The following GPC5 variants were observed in gnomAD, a reference collection of about 807,000 sequenced individuals.
GPC5 encodes glypican 5, also known as glypican-5.
Under a neutral mutation model 53.9 loss-of-function variants are expected in GPC5, and 47 were observed. The ratio of observed to expected loss-of-function variants is 0.87; its 90% CI spans 0.69 to 1.11. The LOEUF is 1.11. GPC5 is among the 50% of genes most tolerant of loss of function. The pLI is 0.00. For synonymous variants in GPC5, 286 were observed against 263.3 expected, an observed-to-expected ratio of 1.09 and a Z score of -0.84; for missense variants, 748 against 713.1, an observed-to-expected ratio of 1.05 and a Z score of -0.56.
At chr13:92,829,925 T>A (rs1410384737) in intron 7 of GPC5, among the ~76,000 whole-genome samples, 1 of 152,166 alleles carries the variant, frequency 6.6e-6, no homozygotes. Context: ...TCAAAACTTT[T>A]AAGTTATTTT....
At chr13:91,525,252 C>T (rs960122997) in intron 2 of GPC5, among the ~76,000 whole-genome samples, 2 of 151,848 alleles carry the variant, frequency 1.3e-5, no homozygotes, top group African/African-American at 4.8e-5. Flanking sequence ...TTTAGAGCAT[C>T]CTGAAAGATT....
At chr13:92,595,624 CG>C (rs1883848671) in intron 7 of GPC5, among the ~76,000 whole-genome samples, 2 of 151,346 alleles carry the variant, frequency 1.3e-5, no homozygotes, top group South Asian at 4.2e-4. Flanking sequence ...AAAAATTAGC[CG>C]GGCGTGGTGG....
intron 1 of GPC5, among the ~76,000 whole-genome samples, chr13:91,414,848 TG>T (rs1024834767): frequency 6.6e-6 from 1 of 152,080 alleles, no homozygotes; most frequent in Non-Finnish European, 1.5e-5. Flanking sequence ...GAAGGTGGGT[TG>T]GGGGGTGGAG....
chr13:91,634,402 T>A (rs1210089399), intron 2 of GPC5, among the ~76,000 whole-genome samples: 1 of 152,088 alleles, frequency 6.6e-6, no homozygotes, highest in Admixed American at 6.6e-5. Flanking sequence ...GATATTAGCT[T>A]AGGTCACACA....
At chr13:92,431,013 G>C (rs1877060072) in intron 7 of GPC5, among the ~76,000 whole-genome samples, 3 of 152,090 alleles carry the variant, frequency 2.0e-5, no homozygotes, top group Admixed American at 1.3e-4. Context: ...TGAGCACTAT[G>C]CAATAGTTGT....
chr13:91,929,765 G>A (rs2039803726), intron 6 of GPC5, among the ~76,000 whole-genome samples: 1 of 151,608 alleles, frequency 6.6e-6, no homozygotes, highest in Non-Finnish European at 1.5e-5. Context: ...TCAAGAAATT[G>A]CATTGGTATA....
At chr13:91,717,731 A>G (rs1197888638) in intron 3 of GPC5, among the ~76,000 whole-genome samples, 2 of 151,600 alleles carry the variant, frequency 1.3e-5, no homozygotes, top group Admixed American at 6.6e-5. Context: ...TAATTTTTGT[A>G]TTTTTAGTAG....
intron 7 of GPC5, among the ~76,000 whole-genome samples, chr13:92,803,879 C>G (rs1443554740): frequency 4.6e-5 from 7 of 151,878 alleles, no homozygotes; most frequent in Non-Finnish European, 1.0e-4. Flanking sequence ...ACTTCTCCCC[C>G]AGAAAGTAAC....
intron 5 of GPC5, among the ~76,000 whole-genome samples, chr13:91,903,347 T>C (rs2039518783): frequency 6.6e-6 from 1 of 152,106 alleles, no homozygotes; most frequent in African/African-American, 2.4e-5. Flanking sequence ...GAAAGGTGCT[T>C]CTCTGAGCAT....
chr13:91,673,745 G>A (rs1303344327), intron 2 of GPC5, among the ~76,000 whole-genome samples: 2 of 152,078 alleles, frequency 1.3e-5, no homozygotes, highest in East Asian at 3.8e-4. Context: ...CTTGCCCATA[G>A]CAGGCATCCA....
intron 5 of GPC5, among the ~76,000 whole-genome samples, chr13:91,843,450 A>G (rs2038812823): frequency 6.6e-6 from 1 of 152,200 alleles, no homozygotes; most frequent in Non-Finnish European, 1.5e-5. Flanking sequence ...AGCTGCTGAA[A>G]TGTACAAAGG....
intron 6 of GPC5, among the ~76,000 whole-genome samples, chr13:91,920,497 T>C (rs983008495): frequency 2.0e-5 from 3 of 152,214 alleles, no homozygotes; most frequent in Admixed American, 6.5e-5. Flanking sequence ...ATGTCAATCA[T>C]TTTCAGAAAT....
chr13:91,876,098 G>A (rs777080058), intron 5 of GPC5, among the ~76,000 whole-genome samples: 19 of 152,156 alleles, frequency 1.2e-4, no homozygotes, highest in Non-Finnish European at 2.1e-4. Context: ...CCCCTGTCAT[G>A]TAAGAAGTGC....
chr13:92,682,049 T>C (rs922995421), intron 7 of GPC5, among the ~76,000 whole-genome samples: 1 of 152,194 alleles, frequency 6.6e-6, no homozygotes, highest in African/African-American at 2.4e-5. Context: ...CCCCAGTGTG[T>C]AGATGCATAG....
intron 7 of GPC5, among the ~76,000 whole-genome samples, chr13:92,862,120 G>A (rs1281972071): frequency 6.6e-6 from 1 of 152,072 alleles, no homozygotes; most frequent in Non-Finnish European, 1.5e-5. Flanking sequence ...CATTTGAATG[G>A]GGCACAACTG....
chr13:92,850,679 A>G (rs1878765681), intron 7 of GPC5, among the ~76,000 whole-genome samples: 1 of 152,198 alleles, frequency 6.6e-6, no homozygotes, highest in Non-Finnish European at 1.5e-5. Context: ...AGGTCTATAA[A>G]GTAAGGATTA....
chr13:92,149,011 A>C (rs777621141), intron 7 of GPC5, among the ~76,000 whole-genome samples: 6 of 152,128 alleles, frequency 3.9e-5, no homozygotes, highest in Non-Finnish European at 5.9e-5. Flanking sequence ...ATAAAAAGTA[A>C]GTAATACATA....
At chr13:92,264,870 CTCTCTCTCTG>C (rs915108318) in intron 7 of GPC5, among the ~76,000 whole-genome samples, 5 of 118,290 alleles carry the variant, frequency 4.2e-5, no homozygotes, top group Non-Finnish European at 8.4e-5. Context: ...CTCTCTCTCT[CTCTCTCTCTG>C]TGTGTGTGTG....
At chr13:92,320,316 A>C (rs2043207501) in intron 7 of GPC5, among the ~76,000 whole-genome samples, 1 of 152,154 alleles carries the variant, frequency 6.6e-6, no homozygotes, top group Admixed American at 6.6e-5. Context: ...ATCAAAACCC[A>C]AGTATCAGCC....
Sources: allele counts gnomAD v4.1 joint callset (sites outside exome capture counted in the v4.1 genomes callset), GRCh38; gene constraint gnomAD v4.1.1; transcripts MANE v1.5; gene names NCBI Gene and HGNC (gene_info 2026-07-23, HGNC 2026-07-21).